Variants in MAD1L1 observed in about 807,000 individuals in gnomAD.
MAD1L1 encodes mitotic spindle assembly checkpoint protein MAD1.
Under a neutral mutation model 96.9 loss-of-function variants are expected in MAD1L1, and 95 were observed. The ratio of observed to expected loss-of-function variants is 0.98; its 90% CI spans 0.83 to 1.16. The LOEUF is 1.16. Ranked by LOEUF, MAD1L1 falls within the 50% of genes most tolerant of loss-of-function variation. The pLI is 0.00. For missense variants in MAD1L1, 1,007 were observed against 954.4 expected, an observed-to-expected ratio of 1.06 and a Z score of -0.73; for synonymous variants, 473 against 396.6, an observed-to-expected ratio of 1.19 and a Z score of -2.29.
intron 11 of MAD1L1, among the ~76,000 whole-genome samples, chr7:2,133,945 C>T (rs766354146): frequency 3.3e-5 from 5 of 152,194 alleles, no homozygotes; most frequent in Admixed American, 6.5e-5. Flanking sequence ...TGTGGTTTTA[C>T]GCTAAGTCTT....
At chr7:2,139,431 C>T (rs1788916994) in intron 11 of MAD1L1, among the ~76,000 whole-genome samples, 1 of 152,194 alleles carries the variant, frequency 6.6e-6, no homozygotes, top group African/African-American at 2.4e-5. Flanking sequence ...AAGGTGACTC[C>T]CCCAGCCATG....
At chr7:2,117,030 A>T (rs992004077) in intron 11 of MAD1L1, among the ~76,000 whole-genome samples, 4 of 152,226 alleles carry the variant, frequency 2.6e-5, no homozygotes, top group Non-Finnish European at 4.4e-5. Context: ...ATGCAGCAGG[A>T]GAGGGATCCA....
intron 12 of MAD1L1, among the ~76,000 whole-genome samples, chr7:2,054,957 T>C (rs904997711): frequency 3.3e-5 from 5 of 152,182 alleles, no homozygotes; most frequent in African/African-American, 1.2e-4. Context: ...ATGGGTTGCA[T>C]GGGTCACAGT....
chr7:2,168,074 C>G (rs1486893373), intron 10 of MAD1L1, among the ~76,000 whole-genome samples: 4 of 152,184 alleles, frequency 2.6e-5, no homozygotes, highest in Non-Finnish European at 4.4e-5. Context: ...CACTTGAGGT[C>G]AGGAGTTCAA....
rs542296428 is a variant in MAD1L1 at position 2,199,602 on chromosome 7, C to T, written c.986+13610G>A. ...TTCCTAAATCAGCAGTCTTCCACTC[C>T]GCATCCGCGCCCCCGCAGTGCCCCG... On this transcript the variant is annotated intron_variant, in intron 10 of 18. Transcript: ENST00000265854. 1.6e-3 allele frequency among the ~76,000 whole-genome samples: 243 copies of T among 152,368 alleles called. 1 individual carries two copies. Among genetic ancestry groups the T allele is most frequent in the African/African-American group, 5.4e-3 (225 of 41,584 alleles).
chr7:1,935,568 C>T (rs1013946891), intron 17 of MAD1L1, among the ~76,000 whole-genome samples: 2 of 152,182 alleles, frequency 1.3e-5, no homozygotes, highest in Non-Finnish European at 1.5e-5. Context: ...TAAGACCCTC[C>T]CCACAAAGGA....
chr7:2,205,077 ATCTTT>A (rs1199702062), intron 10 of MAD1L1, among the ~76,000 whole-genome samples: 5 of 121,252 alleles, frequency 4.1e-5, no homozygotes, highest in Admixed American at 2.9e-4. Context: ...ACCTCACAGG[ATCTTT>A]TCTTTTTTTT....
intron 17 of MAD1L1, among the ~76,000 whole-genome samples, chr7:1,899,124 T>C (rs1040658608): frequency 1.2e-4 from 19 of 152,130 alleles, no homozygotes; most frequent in African/African-American, 3.9e-4. Context: ...CTATTCAGGG[T>C]ACAGCCCCAC....
At chr7:1,875,291 C>T (rs569777903) in intron 18 of MAD1L1, among the ~76,000 whole-genome samples, 1 of 152,326 alleles carries the variant, frequency 6.6e-6, no homozygotes, top group South Asian at 2.1e-4. Context: ...CGGATAGGAC[C>T]TGGGCTGAGG....
chr7:2,181,194 T>A (rs562401858), intron 10 of MAD1L1, among the ~76,000 whole-genome samples: 73 of 152,378 alleles, frequency 4.8e-4, no homozygotes, highest in African/African-American at 1.7e-3. Flanking sequence ...TTCTCCACCA[T>A]GTATGAATTA....
chr7:2,050,691 A>T (rs1784130220), intron 12 of MAD1L1, among the ~76,000 whole-genome samples: 1 of 152,118 alleles, frequency 6.6e-6, no homozygotes, highest in Admixed American at 6.5e-5. Context: ...GACACCAAGG[A>T]CAACTGAAGG....
In MAD1L1 at chr7:1,980,474, C is replaced by A. The variant is rs200316841; in HGVS notation, c.1484G>T (p.Arg495Met). 1.2e-4 allele frequency: 192 copies of A among 1,612,738 alleles called. 2 individuals carry two copies. Among genetic ancestry groups the A allele is most frequent in the Non-Finnish European group, 1.8e-5 (21 of 1,179,664 alleles). The change falls in exon 15 of 19, where the codon AGG (arginine) becomes ATG (methionine). Residue 495 changes from arginine to methionine, a missense_variant. By Grantham distance (91) the Arg-to-Met change is moderately conservative. Coordinates refer to ENST00000265854, the MANE Select transcript of MAD1L1 (RefSeq NM_001013836.2). ...SSAEQSFLFSREEADTLRLKV... is the reference protein window; with the variant it reads ...SSAEQSFLFSMEEADTLRLKV... ...GTACCTGAGCGTGTCCGCCTCCTCC[C>A]TGGAGAACAGGAAGCTCTGTTCGGC...
intron 12 of MAD1L1, among the ~76,000 whole-genome samples, chr7:2,056,088 G>A (rs1046451487): frequency 3.3e-5 from 5 of 152,240 alleles, no homozygotes; most frequent in African/African-American, 4.8e-5. Flanking sequence ...GGGCTAAAAC[G>A]GGGCCACAGA....
chr7:1,891,341 T>C (rs568075032), intron 18 of MAD1L1, among the ~76,000 whole-genome samples: 1 of 152,120 alleles, frequency 6.6e-6, no homozygotes, highest in East Asian at 1.9e-4. Flanking sequence ...CTGGCCAACA[T>C]GGTGAAACCC....
At chr7:2,115,751 C>T (rs1034257852) in intron 11 of MAD1L1, among the ~76,000 whole-genome samples, 6 of 152,378 alleles carry the variant, frequency 3.9e-5, no homozygotes, top group South Asian at 2.1e-4. Flanking sequence ...CTATTCCTGG[C>T]CAAACAGAAG....
At chr7:2,176,461 C>T (rs949161759) in intron 10 of MAD1L1, among the ~76,000 whole-genome samples, 6 of 152,026 alleles carry the variant, frequency 3.9e-5, no homozygotes, top group Non-Finnish European at 8.8e-5. Context: ...CCAGAGGTCC[C>T]GGCCAATGTA....
chr7:1,928,110 C>T (rs972082285), intron 17 of MAD1L1, among the ~76,000 whole-genome samples: 1 of 152,072 alleles, frequency 6.6e-6, no homozygotes, highest in South Asian at 2.1e-4. Flanking sequence ...ACCTGCCACA[C>T]CTGCTGCTGC....
Position 1,898,365 on chromosome 7 carries a change from G to C in MAD1L1, c.1833C>G (p.Ala611=). 1.2e-6 allele frequency: 2 copies of C among 1,613,886 alleles called. No individual in the cohort carries two copies. The highest frequency in any genetic ancestry group is 8.5e-7 in the Non-Finnish European group (1 of 1,179,974). The change falls in exon 18 of 19, where the codon GCC becomes GCG. Residue 611 remains alanine, a synonymous_variant. Transcript: ENST00000265854. ...VAELKKQVES[A]ELKNQRLKEV... ...CCTTGAGCCGCTGGTTCTTCAGCTC[G>C]GCACTCTCCACCTGCTTCTTCAGCT...
rs1315638416 is a variant in MAD1L1, at chr7:1,827,596, G to C, written c.1999-11368C>G. ...TGTGGCATCCTCCCCTCCTGAGCCCGTCCCGGGTGTGGGGTCCTCCCCTCC... is the reference window on the plus strand; with the variant it reads ...TGTGGCATCCTCCCCTCCTGAGCCCCTCCCGGGTGTGGGGTCCTCCCCTCC... On this transcript the variant is annotated intron_variant, in intron 18 of 18. Coordinates refer to ENST00000265854, the MANE Select transcript of MAD1L1 (RefSeq NM_001013836.2). 2.2e-3 allele frequency among the ~76,000 whole-genome samples: 233 copies of C among 104,948 alleles called. 1 individual carries two copies. Among genetic ancestry groups the C allele is most frequent in the African/African-American group, 7.8e-3 (201 of 25,816 alleles). 68.8% of individuals were successfully genotyped at this position (104,948 alleles called of 152,430 possible).
Sources: allele counts gnomAD v4.1 joint callset (sites outside exome capture counted in the v4.1 genomes callset), GRCh38; gene constraint gnomAD v4.1.1; transcripts MANE v1.5; gene names NCBI Gene and HGNC (gene_info 2026-07-23, HGNC 2026-07-21).